The following SVOP variants were observed in gnomAD, a reference collection of about 807,000 sequenced individuals.
SVOP encodes SV2 related protein.
Under a neutral mutation model 69.1 loss-of-function variants are expected in SVOP, and 17 were observed. The ratio of observed to expected loss-of-function variants is 0.25; its 90% CI spans 0.17 to 0.37. The LOEUF (loss-of-function observed/expected upper bound fraction) is 0.37, where lower values mean the gene tolerates loss of function less well. Ranked by LOEUF, SVOP falls within the 10% of genes least tolerant of loss-of-function variation. The pLI is 1.00. For synonymous variants in SVOP, 238 were observed against 238.6 expected (o/e 1.00, Z 0.02); for missense variants, 435 against 597.5 (o/e 0.73, Z 2.84).
intron 1 of SVOP, among the ~76,000 whole-genome samples, chr12:109,004,157 CA>C (rs2040290881): frequency 6.6e-6 from 1 of 152,088 alleles, no homozygotes; most frequent in Non-Finnish European, 1.5e-5. Flanking sequence ...AAGAAAATAG[CA>C]GTGGCATATG....
At chr12:109,003,873 G>T (rs941818018) in intron 1 of SVOP, among the ~76,000 whole-genome samples, 1 of 152,180 alleles carries the variant, frequency 6.6e-6, no homozygotes, top group Non-Finnish European at 1.5e-5. Flanking sequence ...CTCCTGAAGT[G>T]CTGGGATTAC....
intron 6 of SVOP, among the ~76,000 whole-genome samples, chr12:108,946,053 A>G (rs1657581432): frequency 6.6e-6 from 1 of 151,996 alleles, no homozygotes; most frequent in Non-Finnish European, 1.5e-5. Flanking sequence ...GACTATCTCT[A>G]TCTAAGTCAT....
chr12:108,970,507 AC>A (rs1476750531), intron 5 of SVOP, among the ~76,000 whole-genome samples: 1 of 152,158 alleles, frequency 6.6e-6, no homozygotes, highest in Non-Finnish European at 1.5e-5. Context: ...ATTGCCTGTT[AC>A]CTACCCAGCA....
intron 10 of SVOP, 81 bp downstream of exon 10, chr12:108,937,183 C>T: frequency 7.2e-7 from 1 of 1,387,000 alleles, no homozygotes; most frequent in East Asian, 2.3e-5. Context: ...AAAGTGCTAT[C>T]TGTCCATTGC....
At chr12:109,020,761 C>CCT (rs1028849370) in intron 1 of SVOP, 73 bp downstream of exon 1, 4 of 365,434 alleles carry the variant, frequency 1.1e-5, no homozygotes, top group East Asian at 9.9e-5. Context: ...TGTACCCCCC[C>CCT]CCACCCCCCT....
chr12:108,982,967 C>T (rs2040148911), intron 2 of SVOP, among the ~76,000 whole-genome samples: 1 of 151,380 alleles, frequency 6.6e-6, no homozygotes, highest in Non-Finnish European at 1.5e-5. Context: ...CCATCATCAT[C>T]ATCATAATCA....
intron 6 of SVOP, among the ~76,000 whole-genome samples, chr12:108,948,270 C>A (rs2039935885): frequency 6.6e-6 from 1 of 152,186 alleles, no homozygotes. Context: ...CTCCCAAGAG[C>A]ACTCTCAATA....
At chr12:108,977,314 G>A (rs2040111732) in intron 4 of SVOP, 84 bp downstream of exon 4, 3 of 1,451,406 alleles carry the variant, frequency 2.1e-6, no homozygotes, top group Non-Finnish European at 2.8e-6. Flanking sequence ...TGAGCCTTCG[G>A]CAGCAGGAGA....
intron 7 of SVOP, among the ~76,000 whole-genome samples, chr12:108,941,127 A>G (rs1339257922): frequency 6.6e-6 from 1 of 152,162 alleles, no homozygotes; most frequent in Non-Finnish European, 1.5e-5. Context: ...TAATATTTGC[A>G]TGGCACCTGC....
At chr12:109,016,300 C>T (rs1223933935) in intron 1 of SVOP, among the ~76,000 whole-genome samples, 1 of 152,198 alleles carries the variant, frequency 6.6e-6, no homozygotes, top group Non-Finnish European at 1.5e-5. Flanking sequence ...AGTCAGTTTC[C>T]ACATTTTTAC....
chr12:109,003,518 G>A (rs939069156), intron 1 of SVOP, among the ~76,000 whole-genome samples: 1 of 152,184 alleles, frequency 6.6e-6, no homozygotes, highest in Non-Finnish European at 1.5e-5. Context: ...CCTGCAACCT[G>A]TCTTCTCCAA....
intron 5 of SVOP, among the ~76,000 whole-genome samples, chr12:108,970,297 G>A (rs36190530): frequency 0.69 from 104,715 of 151,776 alleles, 36,651 homozygotes; most frequent in South Asian, 0.79. Context: ...TCTGTGATGA[G>A]CAAACCATGT....
At chr12:108,992,038 G>A (rs1010270517) in intron 1 of SVOP, among the ~76,000 whole-genome samples, 2 of 152,008 alleles carry the variant, frequency 1.3e-5, no homozygotes, top group Admixed American at 6.6e-5. Context: ...GAAAGTCAGC[G>A]GTGTGCGTAT....
chr12:108,999,763 A>G (rs1282498344), intron 1 of SVOP, among the ~76,000 whole-genome samples: 2 of 149,748 alleles, frequency 1.3e-5, no homozygotes, highest in Admixed American at 1.3e-4. Flanking sequence ...TTTGAAACCA[A>G]CGAGAACAAA....
At chr12:108,930,852 C>T (rs2039813040) in intron 11 of SVOP, among the ~76,000 whole-genome samples, 1 of 152,186 alleles carries the variant, frequency 6.6e-6, no homozygotes, top group Non-Finnish European at 1.5e-5. Flanking sequence ...AAACTTTAGG[C>T]TGAACTTAAA....
At position 108,972,443 on chromosome 12, in the gene SVOP, G is replaced by C. The variant is rs1175405379; in HGVS notation, c.415C>G (p.Leu139Val). 17 of 1,537,132 alleles carry C rather than the reference G, an allele frequency of 1.1e-5. No homozygotes were observed. Among genetic ancestry groups the C allele is most frequent in the Admixed American group, 2.0e-5 (1 of 50,972 alleles). ...VFVGMMSSST[L>V]WGNISDQYGR... The stretch of plus-strand genomic sequence containing the variant: ...TACTGGTCTGAGATATTTCCCCAGA[G>C]CGTGGAGCTGGACATCATGCCTACA... Residue 139 changes from leucine to valine, a missense_variant, in exon 5 of 16, where the codon CTC (leucine) becomes GTC (valine). Coordinates refer to ENST00000610966, the MANE Select transcript of SVOP (RefSeq NM_018711.5).
At chr12:108,994,170 C>A (rs1190336417) in intron 1 of SVOP, among the ~76,000 whole-genome samples, 1 of 152,176 alleles carries the variant, frequency 6.6e-6, no homozygotes, top group Non-Finnish European at 1.5e-5. Context: ...GGGATGGAAA[C>A]AAGATGGCAA....
rs2039659038 is a variant in SVOP, at chr12:108,908,012, T to C, written c.*4523A>G. On this transcript the variant is annotated 3_prime_UTR_variant, in exon 16 of 16. Coordinates refer to ENST00000610966, the MANE Select transcript of SVOP (RefSeq NM_018711.5). ...ACCACTTCTTCCTGACCCAATTGAATTGGACCAAGACTCAATCCAACACTA... is the reference window on the plus strand; with the variant it reads ...ACCACTTCTTCCTGACCCAATTGAACTGGACCAAGACTCAATCCAACACTA... The C allele has an allele frequency of 6.6e-6, 1 of 152,074 alleles. No homozygotes were observed. Among genetic ancestry groups the C allele is most frequent in the Non-Finnish European group, 1.5e-5 (1 of 68,072 alleles). 9.4% of individuals were successfully genotyped at this position (152,074 alleles called of 1,614,324 possible). A position where few individuals can be genotyped will look rare whatever the true frequency, so the allele number is the denominator to read the frequency against.
chr12:108,943,465 G>T (rs1593185454), intron 7 of SVOP, among the ~76,000 whole-genome samples: 2 of 152,058 alleles, frequency 1.3e-5, no homozygotes, highest in East Asian at 3.9e-4. Context: ...CAGGCGTGGT[G>T]GTGGGCACCT....
Sources: allele counts gnomAD v4.1 joint callset (sites outside exome capture counted in the v4.1 genomes callset), GRCh38; gene constraint gnomAD v4.1.1; transcripts MANE v1.5; gene names NCBI Gene and HGNC (gene_info 2026-07-23, HGNC 2026-07-21).